KCND2: variants seen among roughly 807,000 people sequenced by gnomAD.
The protein encoded by KCND2 is A-type voltage-gated potassium channel KCND2.
A neutral mutation model predicts 54.4 loss-of-function variants in KCND2; 16 were observed. That is an observed-to-expected ratio of 0.29 (90% CI 0.20 to 0.45). KCND2 has a LOEUF of 0.45. Ranked by LOEUF, KCND2 falls within the 20% of genes least tolerant of loss-of-function variation. The pLI is 1.00. For missense variants in KCND2, 486 were observed against 824.2 expected (o/e 0.59, Z 5.02); for synonymous variants, 317 against 310.7 (o/e 1.02, Z -0.21).
intron 1 of KCND2, among the ~76,000 whole-genome samples, chr7:120,555,821 G>T: frequency 6.6e-6 from 1 of 152,140 alleles, no homozygotes; most frequent in Non-Finnish European, 1.5e-5. Context: ...CTATACTACA[G>T]CACAGAGTTG....
chr7:120,586,296 A>G (rs555667998), intron 1 of KCND2, among the ~76,000 whole-genome samples: 1 of 152,192 alleles, frequency 6.6e-6, no homozygotes, highest in East Asian at 1.9e-4. Context: ...CTATCTAATG[A>G]TGTTTGACCC....
At chr7:120,473,695 T>C (rs1414605633) in intron 1 of KCND2, among the ~76,000 whole-genome samples, 1 of 152,090 alleles carries the variant, frequency 6.6e-6, no homozygotes, top group Non-Finnish European at 1.5e-5. Flanking sequence ...AAAAAACAAA[T>C]AAAATAAACT....
chr7:120,698,235 G>A lies in KCND2; in HGVS notation c.1116-34668G>A, dbSNP rs751178838. Among the ~76,000 whole-genome samples, 4 of 151,928 alleles carry A rather than the reference G, an allele frequency of 2.6e-5. No individual in the cohort carries two copies. The South Asian group carries it at 6.2e-4, about 24-fold the overall frequency. ...TTGCCATGTTGGCCAGGCTGGTCTC[G>A]AACTCAACCTTTTATCCTTTTAATA... On this transcript the variant is annotated intron_variant, in intron 1 of 5. Coordinates refer to ENST00000331113, the MANE Select transcript of KCND2 (RefSeq NM_012281.3).
intron 1 of KCND2, among the ~76,000 whole-genome samples, chr7:120,660,307 T>C (rs1266929321): frequency 6.6e-6 from 1 of 152,236 alleles, no homozygotes; most frequent in Non-Finnish European, 1.5e-5. Flanking sequence ...ACATTCTTTC[T>C]TTTTAATTTT....
At chr7:120,662,830 C>T (rs374950902) in intron 1 of KCND2, among the ~76,000 whole-genome samples, 11 of 152,284 alleles carry the variant, frequency 7.2e-5, no homozygotes, top group African/African-American at 4.8e-5. Context: ...GTTACCTGCT[C>T]ATTTTTTTCA....
intron 1 of KCND2, among the ~76,000 whole-genome samples, chr7:120,283,190 A>G (rs1326847912): frequency 2.6e-5 from 4 of 152,146 alleles, no homozygotes; most frequent in Non-Finnish European, 4.4e-5. Context: ...AGTTTCATCA[A>G]TTCTATCTAA....
chr7:120,654,036 G>T (rs548719621), intron 1 of KCND2, among the ~76,000 whole-genome samples: 1 of 152,110 alleles, frequency 6.6e-6, no homozygotes, highest in African/African-American at 2.4e-5. Context: ...TCAATTCTGT[G>T]TTCTCTGTAT....
rs113520244 is a variant in KCND2, at chr7:120,658,179, T to G, written c.1116-74724T>G. On this transcript the variant is annotated intron_variant, in intron 1 of 5. Transcript: ENST00000331113. ...GATATTTCACACAAGAGGTAATTTT[T>G]TTTTCCAGAAAGGAAGGCTTATCAA... 1.1e-3 allele frequency among the ~76,000 whole-genome samples: 161 copies of G among 152,212 alleles called. 1 individual carries two copies. The East Asian group carries it at 0.027, about 26-fold the overall frequency.
chr7:120,501,311 G>T (rs1418127370), intron 1 of KCND2, among the ~76,000 whole-genome samples: 1 of 152,080 alleles, frequency 6.6e-6, no homozygotes, highest in Non-Finnish European at 1.5e-5. Flanking sequence ...AATGCTGCAG[G>T]TATTGACTGA....
intron 1 of KCND2, among the ~76,000 whole-genome samples, chr7:120,446,948 T>C (rs1268209774): frequency 6.6e-6 from 1 of 152,226 alleles, no homozygotes; most frequent in African/African-American, 2.4e-5. Flanking sequence ...GATTCAAACT[T>C]TCATTCAGTT....
intron 1 of KCND2, among the ~76,000 whole-genome samples, chr7:120,467,763 G>A (rs756596324): frequency 2.6e-5 from 4 of 152,002 alleles, no homozygotes; most frequent in Non-Finnish European, 4.4e-5. Context: ...CACAACACAC[G>A]TTCTACTAAG....
At chr7:120,425,820 A>G (rs1801698374) in intron 1 of KCND2, among the ~76,000 whole-genome samples, 1 of 152,168 alleles carries the variant, frequency 6.6e-6, no homozygotes, top group African/African-American at 2.4e-5. Flanking sequence ...AAGCAAATTG[A>G]CCTTCTCAAT....
intron 1 of KCND2, among the ~76,000 whole-genome samples, chr7:120,287,691 A>G (rs572375649): frequency 6.6e-6 from 1 of 152,158 alleles, no homozygotes; most frequent in East Asian, 1.9e-4. Flanking sequence ...TGTCTCTACT[A>G]AAAATACACA....
chr7:120,707,727 A>T (rs1351597886), intron 1 of KCND2, among the ~76,000 whole-genome samples: 1 of 152,030 alleles, frequency 6.6e-6, no homozygotes, highest in African/African-American at 2.4e-5. Context: ...CTGTTGAGGG[A>T]TGACAAGCAA....
intron 1 of KCND2, among the ~76,000 whole-genome samples, chr7:120,414,657 T>A (rs1402460851): frequency 6.6e-6 from 1 of 152,198 alleles, no homozygotes; most frequent in Non-Finnish European, 1.5e-5. Context: ...CATTTTAGTT[T>A]GTAGCACAAG....
chr7:120,461,508 A>G (rs923604538), intron 1 of KCND2, among the ~76,000 whole-genome samples: 5 of 152,122 alleles, frequency 3.3e-5, no homozygotes, highest in South Asian at 2.1e-4. Flanking sequence ...TCGAGACTAC[A>G]TGGCTCTGTT....
intron 1 of KCND2, among the ~76,000 whole-genome samples, chr7:120,413,120 G>A (rs1045833939): frequency 2.6e-5 from 4 of 152,106 alleles, no homozygotes; most frequent in Admixed American, 6.6e-5. Flanking sequence ...TATGAAGAAT[G>A]TTTATTTAAG....
chr7:120,638,789 C>T (rs67907055), intron 1 of KCND2, among the ~76,000 whole-genome samples: 27,291 of 151,780 alleles, frequency 0.18, 2,927 homozygotes, highest in African/African-American at 0.29. Context: ...TTCAGACCTG[C>T]GTTGGGGTTG....
chr7:120,467,839 T>C (rs1217494394), intron 1 of KCND2, among the ~76,000 whole-genome samples: 1 of 152,084 alleles, frequency 6.6e-6, no homozygotes, highest in Non-Finnish European at 1.5e-5. Context: ...CATGTAAATG[T>C]AGCAAGAAAC....
Sources: allele counts gnomAD v4.1 joint callset (sites outside exome capture counted in the v4.1 genomes callset), GRCh38; gene constraint gnomAD v4.1.1; transcripts MANE v1.5; gene names NCBI Gene and HGNC (gene_info 2026-07-23, HGNC 2026-07-21).